CAMK4: variants seen among roughly 807,000 people sequenced by gnomAD.
CAMK4 encodes calcium/calmodulin dependent protein kinase IV, also known as calcium/calmodulin-dependent protein kinase type IV.
In CAMK4, 22 loss-of-function variants were observed where a neutral mutation model predicts 44.9. The observed-to-expected ratio is 0.49, with a 90% CI of 0.35 to 0.70. CAMK4 has a LOEUF of 0.70. CAMK4 is among the 30% of genes least tolerant of loss of function. The pLI, the probability that CAMK4 is intolerant of heterozygous loss-of-function variation, is 0.01. For synonymous variants in CAMK4, 218 were observed against 215.4 expected (o/e 1.01, Z -0.11); for missense variants, 498 against 586.8 (o/e 0.85, Z 1.56).
intron 8 of CAMK4, among the ~76,000 whole-genome samples, chr5:111,475,316 A>G (rs959265320): frequency 6.6e-6 from 1 of 152,198 alleles, no homozygotes; most frequent in Non-Finnish European, 1.5e-5. Flanking sequence ...TGGTAGGTAC[A>G]TTGTTGAAAT....
chr5:111,277,183 G>T (rs538944261), intron 1 of CAMK4, among the ~76,000 whole-genome samples: 56 of 152,298 alleles, frequency 3.7e-4, no homozygotes, highest in African/African-American at 1.3e-3. Flanking sequence ...AACGCATGAA[G>T]CTCCATGAAT....
At chr5:111,278,736 C>T (rs906187488) in intron 1 of CAMK4, among the ~76,000 whole-genome samples, 1 of 152,176 alleles carries the variant, frequency 6.6e-6, no homozygotes, top group Non-Finnish European at 1.5e-5. Flanking sequence ...GCAAGGCTTA[C>T]CAGGCATCTT....
intron 5 of CAMK4, among the ~76,000 whole-genome samples, chr5:111,446,079 A>T (rs759961710): frequency 1.3e-4 from 20 of 152,336 alleles, no homozygotes; most frequent in Non-Finnish European, 2.6e-4. Flanking sequence ...GCTAGATGTG[A>T]TCTTTGAGAT....
At chr5:111,236,175 A>T (rs186819320) in intron 1 of CAMK4, among the ~76,000 whole-genome samples, 2 of 152,332 alleles carry the variant, frequency 1.3e-5, no homozygotes, top group Non-Finnish European at 2.9e-5. Context: ...ATTATTCCCC[A>T]CACAGGCCAC....
chr5:111,287,224 C>G (rs569326699), intron 1 of CAMK4, among the ~76,000 whole-genome samples: 8 of 152,208 alleles, frequency 5.3e-5, no homozygotes, highest in African/African-American at 1.9e-4. Context: ...TAGGAGAAAC[C>G]TGAATAGGGA....
intron 3 of CAMK4, 90 bp downstream of exon 3, chr5:111,375,002 G>GA (rs869085707): frequency 7.3e-6 from 5 of 683,694 alleles, no homozygotes; most frequent in East Asian, 2.8e-5. Flanking sequence ...ATAATGAGAA[G>GA]GGATTCTCCC....
chr5:111,375,258 GC>G (rs1751171911), intron 3 of CAMK4, among the ~76,000 whole-genome samples: 1 of 152,082 alleles, frequency 6.6e-6, no homozygotes, highest in Non-Finnish European at 1.5e-5. Flanking sequence ...TACTGAAAAA[GC>G]CTGTGAAGAA....
Position 111,377,080 on chromosome 5 carries a change from G to A in CAMK4, c.386+138G>A, listed in dbSNP as rs538295094. The A allele has an allele frequency of 9.3e-6, 5 of 539,514 alleles. No homozygotes were observed. The Admixed American group carries it at 1.4e-4, about 15-fold the overall frequency. The allele number at this position is 539,514 out of a possible 1,614,324, so 33.4% of individuals were successfully genotyped here. On this transcript the variant is annotated intron_variant, in intron 4 of 10. Transcript: ENST00000282356. ...TAAATACTACTAAAAAAAGTCTTAAGAAGAATGTTGAAGGAAGGTGGGTAG... is the reference window on the plus strand; with the variant it reads ...TAAATACTACTAAAAAAAGTCTTAAAAAGAATGTTGAAGGAAGGTGGGTAG...
At chr5:111,255,835 C>T (rs1749717223) in intron 1 of CAMK4, among the ~76,000 whole-genome samples, 1 of 152,142 alleles carries the variant, frequency 6.6e-6, no homozygotes. Context: ...TTTTATACCG[C>T]TTAAAATGCC....
rs147604270 is a variant in CAMK4, at chr5:111,407,970, A to C, written c.459+13188A>C. Among the ~76,000 whole-genome samples, 176 of 152,196 alleles carry C rather than the reference A, an allele frequency of 1.2e-3. 8 individuals are homozygous for C. In the East Asian group the frequency reaches 0.033, roughly 29 times the overall value. On this transcript the variant is annotated intron_variant, in intron 5 of 10. Coordinates refer to ENST00000282356, the MANE Select transcript of CAMK4 (RefSeq NM_001744.6). ...GTGAACCCTCATCTCTGCTAAAAAT[A>C]CAAAATTAGCCGGGCATGGTCCCAG...
intron 8 of CAMK4, among the ~76,000 whole-genome samples, chr5:111,475,714 C>G (rs763151862): frequency 3.9e-5 from 6 of 152,176 alleles, no homozygotes; most frequent in Non-Finnish European, 7.4e-5. Context: ...AGGCCCTAAG[C>G]CTGAGGACGT....
At chr5:111,447,262 T>C (rs748369339) in intron 6 of CAMK4, among the ~76,000 whole-genome samples, 1 of 151,664 alleles carries the variant, frequency 6.6e-6, no homozygotes, top group Admixed American at 6.6e-5. Context: ...TTTCCCAAAA[T>C]GCACTCCATA....
At chr5:111,418,754 C>T (rs1214914278) in intron 5 of CAMK4, among the ~76,000 whole-genome samples, 10 of 152,136 alleles carry the variant, frequency 6.6e-5, no homozygotes, top group Non-Finnish European at 1.5e-5. Context: ...CATCCATGTC[C>T]CTACAAAGGA....
At chr5:111,373,422 G>T (rs1342430339) in intron 2 of CAMK4, among the ~76,000 whole-genome samples, 1 of 34,306 alleles carries the variant, frequency 2.9e-5, no homozygotes. Context: ...TAAAATAAAT[G>T]TAAAATATAT....
intron 5 of CAMK4, among the ~76,000 whole-genome samples, chr5:111,396,631 C>CTT (rs540495109): frequency 0.041 from 1,923 of 46,846 alleles, 563 homozygotes; most frequent in East Asian, 0.13. Flanking sequence ...AACTCATATT[C>CTT]TTTTTTTTTT....
At chr5:111,312,555 G>A (rs1367355828) in intron 1 of CAMK4, among the ~76,000 whole-genome samples, 1 of 152,140 alleles carries the variant, frequency 6.6e-6, no homozygotes, top group Admixed American at 6.6e-5. Context: ...AGCAGACTCA[G>A]TCAGTGTATC....
intron 1 of CAMK4, among the ~76,000 whole-genome samples, chr5:111,260,304 A>G (rs1242582763): frequency 6.6e-6 from 1 of 152,168 alleles, no homozygotes; most frequent in African/African-American, 2.4e-5. Context: ...ATTAGTCAAT[A>G]TCTTTCTGGC....
intron 1 of CAMK4, among the ~76,000 whole-genome samples, chr5:111,239,526 G>C (rs1357871712): frequency 6.6e-6 from 1 of 152,128 alleles, no homozygotes; most frequent in Non-Finnish European, 1.5e-5. Flanking sequence ...TATTTGCAGG[G>C]ATTGTTAAAT....
chr5:111,342,324 A>G (rs1197476584), intron 1 of CAMK4, among the ~76,000 whole-genome samples: 2 of 151,342 alleles, frequency 1.3e-5, no homozygotes, highest in African/African-American at 4.8e-5. Flanking sequence ...ACATATTTAT[A>G]TTTATTATGT....
Sources: allele counts gnomAD v4.1 joint callset (sites outside exome capture counted in the v4.1 genomes callset), GRCh38; gene constraint gnomAD v4.1.1; transcripts MANE v1.5; gene names NCBI Gene and HGNC (gene_info 2026-07-23, HGNC 2026-07-21).